DENND4C: variants seen among roughly 807,000 people sequenced by gnomAD.
DENND4C encodes the protein DENN domain-containing protein 4C.
DENND4C carries 108 observed loss-of-function variants against 203.0 expected under a neutral mutation model. That is an observed-to-expected ratio of 0.53 (90% CI 0.46 to 0.62). DENND4C has a LOEUF of 0.62. Among genes scored for constraint, DENND4C ranks in the 20% least tolerant of loss-of-function variants. The pLI, the probability that DENND4C is intolerant of heterozygous loss-of-function variation, is 0.00. For missense variants in DENND4C, 2,481 were observed against 2,301.2 expected (o/e 1.08, Z -1.60); for synonymous variants, 871 against 792.4 (o/e 1.10, Z -1.67).
Position 19,369,783 on chromosome 9 carries a change from T to A in DENND4C, c.5525-54T>A, listed in dbSNP as rs865901394. Reference sequence around the variant, plus strand: ...TGTTGTCTCAAAAAAAAAAAAATAATAATAATAATAATAGTAATAATTGAA... The same window carrying A: ...TGTTGTCTCAAAAAAAAAAAAATAAAAATAATAATAATAGTAATAATTGAA... On this transcript the variant is annotated intron_variant, in intron 30 of 32. Transcript: ENST00000434457. 4,851 of 953,346 alleles carry A rather than the reference T, an allele frequency of 5.1e-3. 29 individuals carry two copies. The highest frequency in any genetic ancestry group is 0.017 in the African/African-American group (936 of 54,118). 59.1% of individuals were successfully genotyped at this position (953,346 alleles called of 1,614,324 possible). A position where few individuals can be genotyped will look rare whatever the true frequency, so the allele number is the denominator to read the frequency against.
intron 16 of DENND4C, 73 bp from the exon 17 acceptor site, chr9:19,331,905 C>A: frequency 7.2e-7 from 1 of 1,379,564 alleles, no homozygotes; most frequent in South Asian, 1.3e-5. Context: ...TTCTCCTCTC[C>A]CTTTTCCTTC....
At chr9:19,299,009 A>G (rs62562704) in intron 7 of DENND4C, among the ~76,000 whole-genome samples, 7,345 of 152,234 alleles carry the variant, frequency 0.048, 232 homozygotes, top group Non-Finnish European at 0.076. Flanking sequence ...AGTCAAATTA[A>G]CCATTTAATG....
chr9:19,337,392 T>C (rs934189643), intron 20 of DENND4C, among the ~76,000 whole-genome samples: 2 of 152,188 alleles, frequency 1.3e-5, no homozygotes, highest in African/African-American at 2.4e-5. Context: ...TACATATCCT[T>C]CTTCTTGTGT....
At chr9:19,329,392 ATAAT>A (rs1157940785) in intron 16 of DENND4C, among the ~76,000 whole-genome samples, 2 of 152,242 alleles carry the variant, frequency 1.3e-5, no homozygotes, top group Admixed American at 6.5e-5. Context: ...TATATCAGTA[ATAAT>A]TTTTATTGCT....
chr9:19,338,289 A>G (rs1820924388), intron 20 of DENND4C, among the ~76,000 whole-genome samples: 1 of 152,160 alleles, frequency 6.6e-6, no homozygotes, highest in Non-Finnish European at 1.5e-5. Context: ...ATTTTTTTGT[A>G]TGAAAACGTT....
intron 1 of DENND4C, among the ~76,000 whole-genome samples, chr9:19,237,747 C>T (rs115944156): frequency 0.021 from 3,128 of 152,164 alleles, 114 homozygotes; most frequent in African/African-American, 0.071. Context: ...TGCCTATTGC[C>T]GCTGGCTAGA....
At position 19,346,497 on chromosome 9, in the gene DENND4C, G is replaced by A; in HGVS notation, c.3728G>A (p.Arg1243Lys). 1 of 1,614,148 alleles carries A rather than the reference G, an allele frequency of 6.2e-7. No homozygotes were observed. Among genetic ancestry groups the A allele is most frequent in the Non-Finnish European group, 8.5e-7 (1 of 1,180,026 alleles). Reference sequence around the variant, plus strand: ...TATGGTATTGCTAAGGTGGTTCAGAGGGAAGATGTTGAAACTGGACTAGAT... The same window carrying A: ...TATGGTATTGCTAAGGTGGTTCAGAAGGAAGATGTTGAAACTGGACTAGAT... ...SLYGIAKVVQ[R>K]EDVETGLDPL... Residue 1243 changes from arginine to lysine, a missense_variant, in exon 23 of 33, where the codon AGG (arginine) becomes AAG (lysine). By Grantham distance (26) the Arg-to-Lys change is conservative (BLOSUM62 2). Around this residue, in one of 3 missense-constraint regions of DENND4C, gnomAD observed 2,289 missense variants for 2,113.3 expected, o/e 1.08. Coordinates refer to ENST00000434457, the MANE Select transcript of DENND4C (RefSeq NM_001330640.2).
intron 10 of DENND4C, among the ~76,000 whole-genome samples, chr9:19,314,682 A>G (rs999375069): frequency 1.3e-5 from 2 of 152,234 alleles, no homozygotes; most frequent in African/African-American, 4.8e-5. Flanking sequence ...ACTGAGTGCT[A>G]AAGAAAAATA....
In DENND4C at chr9:19,325,143, T is replaced by A. The variant is rs1843515041; in HGVS notation, c.1953+636T>A. On this transcript the variant is annotated intron_variant, in intron 13 of 32. Transcript: ENST00000434457. Reference sequence around the variant, plus strand: ...AATGAATAAGATTTAGTTTAAGATTTAGGTTTTTTAATTAAAAAATGTTTA... The same window carrying A: ...AATGAATAAGATTTAGTTTAAGATTAAGGTTTTTTAATTAAAAAATGTTTA... 3.9e-5 allele frequency among the ~76,000 whole-genome samples: 6 copies of A among 152,290 alleles called. No individual in the cohort carries two copies. The South Asian group carries it at 1.2e-3, about 32-fold the overall frequency.
chr9:19,344,620 G>C (rs1314074726), intron 22 of DENND4C, among the ~76,000 whole-genome samples: 1 of 152,174 alleles, frequency 6.6e-6, no homozygotes, highest in Non-Finnish European at 1.5e-5. Context: ...TCCCGCCTCA[G>C]ACCCCCAAGT....
rs530961648 is a variant in DENND4C, at chr9:19,369,954, C to A, written c.5642C>A (p.Ser1881Ter). 1.9e-6 allele frequency: 3 copies of A among 1,613,868 alleles called. No individual in the cohort carries two copies. The highest frequency in any genetic ancestry group is 2.5e-6 in the Non-Finnish European group (3 of 1,179,916). ...NNVLKPINLL[S>*]QQMKPGMKRQ... is the part of the protein sequence containing the mutation. ...GTTCTTAAACCCATCAACCTACTTT[C>A]ACAGCAAATGAAGCCAGGCATGAAA... is the stretch of plus-strand genomic sequence containing the variant. Residue 1881 changes from serine to a stop codon, truncating the protein, a stop_gained, in exon 31 of 33, where the codon TCA becomes TAA. Transcript: ENST00000434457. LOFTEE classifies it high-confidence loss of function.
In DENND4C at chr9:19,369,908, C is replaced by T. The variant is rs1828457221; in HGVS notation, c.5596C>T (p.Gln1866Ter). The part of the protein sequence containing the change: ...ETSTLVETIR[Q>*]SIQHNNVLKP... ...AAGCACTTTAGTAGAAACCATCAGG[C>T]AGAGTATTCAGCACAATAATGTTCT... The change falls in exon 31 of 33, where the codon CAG (glutamine) becomes TAG (stop). Residue 1866 changes from glutamine (Q) to a stop codon, truncating the protein, a stop_gained. Transcript: ENST00000434457. LOFTEE classifies it high-confidence loss of function. The T allele has an allele frequency of 6.2e-7, 1 of 1,613,774 alleles. No homozygotes were observed. The highest frequency in any genetic ancestry group is 8.5e-7 in the Non-Finnish European group (1 of 1,179,842).
At chr9:19,263,620 A>G (rs942363771) in intron 1 of DENND4C, among the ~76,000 whole-genome samples, 2 of 147,888 alleles carry the variant, frequency 1.4e-5, no homozygotes, top group South Asian at 2.1e-4. Flanking sequence ...TTTTGCATCA[A>G]TGTTCATTGG....
At chr9:19,320,401 G>A (rs568067726) in intron 12 of DENND4C, among the ~76,000 whole-genome samples, 3 of 152,270 alleles carry the variant, frequency 2.0e-5, no homozygotes, top group African/African-American at 7.2e-5. Context: ...GTTTAGCCAT[G>A]TTGGCCAGAC....
rs1456010863 is a variant in DENND4C, at chr9:19,352,180, G to A, written c.4603G>A (p.Glu1535Lys). The change falls in exon 25 of 33, where the codon GAG becomes AAG. Residue 1535 changes from glutamate to lysine, a missense_variant and splice_region_variant. By Grantham distance (56) the Glu-to-Lys change is moderately conservative. Around this residue, in one of 3 missense-constraint regions of DENND4C, gnomAD observed 2,289 missense variants for 2,113.3 expected, o/e 1.08. Coordinates refer to ENST00000434457, the MANE Select transcript of DENND4C (RefSeq NM_001330640.2). ...TAGCATCTATCAGAATTGTGCAATG[G>A]AGGTAAAAGTTCTATATTCAGTTCA... ...MSSIYQNCAMEVLMSSCSQCR... is the reference protein window; with the variant it reads ...MSSIYQNCAMKVLMSSCSQCR... 1.9e-6 allele frequency: 3 copies of A among 1,612,080 alleles called. No homozygotes were observed. Among genetic ancestry groups the A allele is most frequent in the Non-Finnish European group, 2.5e-6 (3 of 1,178,594 alleles).
intron 1 of DENND4C, among the ~76,000 whole-genome samples, chr9:19,264,421 C>T (rs185353064): frequency 6.6e-6 from 1 of 152,204 alleles, no homozygotes; most frequent in East Asian, 1.9e-4. Flanking sequence ...ATTCTCCTGC[C>T]TCAGCCTCTT....
chr9:19,260,709 A>G (rs1043373415), intron 1 of DENND4C, among the ~76,000 whole-genome samples: 1 of 152,192 alleles, frequency 6.6e-6, no homozygotes. Context: ...TGTTCTGGTT[A>G]TTAATACCTT....
intron 23 of DENND4C, among the ~76,000 whole-genome samples, chr9:19,347,810 T>C (rs1283019762): frequency 6.6e-6 from 1 of 152,254 alleles, no homozygotes; most frequent in Middle Eastern, 3.2e-3. Flanking sequence ...ACTTTTAAAA[T>C]AATTTTTACC....
intron 20 of DENND4C, 64 bp from the exon 21 acceptor site, chr9:19,340,928 T>C (rs766854273): frequency 5.8e-5 from 83 of 1,422,376 alleles, no homozygotes; most frequent in Non-Finnish European, 7.3e-5. Context: ...TTTCTTGTGA[T>C]TTTTATATAT....
Sources: gnomAD v4.1 joint callset for allele counts (sites outside exome capture counted in the v4.1 genomes callset) on GRCh38, gnomAD v4.1.1 for gene constraint, gnomAD v4.1.1 regional missense constraint, MANE v1.5 for transcripts, NCBI Gene and HGNC (gene_info 2026-07-23, HGNC 2026-07-21) for gene names.